Variants in MS4A15 observed in about 807,000 individuals in gnomAD.
MS4A15 encodes membrane spanning 4-domains A15.
Under a neutral mutation model 20.6 loss-of-function variants are expected in MS4A15, and 22 were observed. The ratio of observed to expected loss-of-function variants is 1.07; its 90% confidence interval spans 0.76 to 1.52. The LOEUF is 1.52. Ranked by LOEUF, MS4A15 falls within the 40% of genes most tolerant of loss-of-function variation. The pLI, the probability that MS4A15 is intolerant of heterozygous loss-of-function variation, is 0.00. For missense variants in MS4A15, 312 were observed against 323.0 expected (o/e 0.97, Z 0.26); for synonymous variants, 129 against 129.3 (o/e 1.00, Z 0.02).
intron 2 of MS4A15, 121 bp from the exon 3 acceptor site, chr11:60,767,412 G>A: frequency 8.1e-7 from 1 of 1,231,994 alleles, no homozygotes; most frequent in Non-Finnish European, 1.1e-6. Context: ...AACAGAATCT[G>A]AGTTTCTTTC....
chr11:60,773,635 C>A, intron 5 of MS4A15, 151 bp downstream of exon 5: 1 of 814,104 alleles, frequency 1.2e-6, no homozygotes, highest in Non-Finnish European at 2.0e-6. Context: ...TCCTCTGAGC[C>A]TTCCCCAAGA....
intron 2 of MS4A15, 110 bp from the exon 3 acceptor site, chr11:60,767,423 C>A: frequency 7.7e-7 from 1 of 1,298,474 alleles, no homozygotes; most frequent in Admixed American, 3.4e-5. Flanking sequence ...AGTTTCTTTC[C>A]CAGTGGCCAA....
At position 60,771,351 on chromosome 11, in the gene MS4A15, A is replaced by G; in HGVS notation, c.405+4A>G. 6.2e-7 allele frequency: 1 copy of G among 1,614,028 alleles called. No individual in the cohort carries two copies. The highest frequency in any genetic ancestry group is 8.5e-7 in the Non-Finnish European group (1 of 1,180,026). On this transcript the variant is annotated splice_donor_region_variant and intron_variant, in intron 4 of 6. Coordinates refer to ENST00000405633, the MANE Select transcript of MS4A15 (RefSeq NM_001098835.2). ...GAAGAACCACACCAGTTGCCTGGTG[A>G]GTGTGAACAGGGGGACCCAGGGGCG... is the stretch of plus-strand genomic sequence containing the variant.
chr11:60,758,341 A>G (rs1329691885), intron 1 of MS4A15, among the ~76,000 whole-genome samples: 3 of 152,332 alleles, frequency 2.0e-5, no homozygotes, highest in South Asian at 4.1e-4. Context: ...CATTAAATTT[A>G]TCAACCGACT....
Position 60,776,665 on chromosome 11 carries a change from C to CTTGT in MS4A15, c.*950_*951insTTGT. 6.6e-6 allele frequency: 1 copy of CTTGT among 152,212 alleles called. No individual in the cohort carries two copies. Among genetic ancestry groups the CTTGT allele is most frequent in the East Asian group, 1.9e-4 (1 of 5,190 alleles). The allele number at this position is 152,212 out of a possible 1,614,324, so 9.4% of individuals were successfully genotyped here. A position where few individuals can be genotyped will look rare whatever the true frequency, so the allele number is the denominator to read the frequency against. On this transcript the variant is annotated 3_prime_UTR_variant, in exon 7 of 7. Coordinates refer to ENST00000405633, the MANE Select transcript of MS4A15 (RefSeq NM_001098835.2). ...CACTGTCAGCCTGGTGTTCACCAGGCCTGGTAGATGAGATGGCTTGTCTCA... is the reference window on the plus strand; with the variant it reads ...CACTGTCAGCCTGGTGTTCACCAGGCTTGTCTGGTAGATGAGATGGCTTGTCTCA...
In MS4A15 at chr11:60,771,365, G is replaced by A. The variant is rs994581678; in HGVS notation, c.405+18G>A. ...GTTGCCTGGTGAGTGTGAACAGGGG[G>A]ACCCAGGGGCGGGGATGAAGCCACA... On this transcript the variant is annotated intron_variant, in intron 4 of 6. Transcript: ENST00000405633. 6.2e-7 allele frequency: 1 copy of A among 1,613,884 alleles called. No homozygotes were observed. The highest frequency in any genetic ancestry group is 1.3e-5 in the African/African-American group (1 of 74,904).
chr11:60,759,333 C>G (rs1206864798), intron 1 of MS4A15, among the ~76,000 whole-genome samples: 1 of 152,220 alleles, frequency 6.6e-6, no homozygotes, highest in Non-Finnish European at 1.5e-5. Context: ...TATATGTTTG[C>G]AGACAGTATG....
chr11:60,758,256 CAT>C (rs1178988283), intron 1 of MS4A15, among the ~76,000 whole-genome samples: 1 of 129,772 alleles, frequency 7.7e-6, no homozygotes, highest in Admixed American at 7.2e-5. Flanking sequence ...GCAATACAAA[CAT>C]AAAAAAAAAA....
At chr11:60,757,727 G>A (rs2087714202) in intron 1 of MS4A15, among the ~76,000 whole-genome samples, 1 of 152,176 alleles carries the variant, frequency 6.6e-6, no homozygotes. Context: ...CCCAAGAGAT[G>A]GTTCTTGGAT....
At chr11:60,762,523 A>G (rs924242195) in intron 1 of MS4A15, among the ~76,000 whole-genome samples, 3 of 152,234 alleles carry the variant, frequency 2.0e-5, no homozygotes, top group Non-Finnish European at 4.4e-5. Flanking sequence ...CAACAATTAT[A>G]AAAAGGCTTT....
chr11:60,763,665 C>T (rs11230468), intron 1 of MS4A15, 41 bp from the exon 2 acceptor site: 2 of 1,543,320 alleles, frequency 1.3e-6, no homozygotes, highest in East Asian at 4.5e-5. Context: ...AAGCTTTATG[C>T]ACATGGGTGA....
intron 1 of MS4A15, among the ~76,000 whole-genome samples, chr11:60,759,316 T>G (rs1853671274): frequency 6.6e-6 from 1 of 152,258 alleles, no homozygotes; most frequent in African/African-American, 2.4e-5. Context: ...GGATGTGCCT[T>G]GTTAACTATA....
intron 1 of MS4A15, among the ~76,000 whole-genome samples, chr11:60,763,030 CAG>C (rs1353242637): frequency 6.6e-6 from 1 of 152,168 alleles, no homozygotes; most frequent in Non-Finnish European, 1.5e-5. Flanking sequence ...ACTTGGCGGA[CAG>C]ATGCTGGGGT....
intron 3 of MS4A15, 110 bp from the exon 4 acceptor site, chr11:60,771,181 G>C (rs1034493171): frequency 8.1e-7 from 1 of 1,240,488 alleles, no homozygotes; most frequent in East Asian, 2.5e-5. Context: ...AGAGAAAGTG[G>C]CATCAGGAGG....
Position 60,771,218 on chromosome 11 carries a change from A to G in MS4A15, c.349-73A>G, listed in dbSNP as rs76355261. On this transcript the variant is annotated intron_variant, in intron 3 of 6. Coordinates refer to ENST00000405633, the MANE Select transcript of MS4A15 (RefSeq NM_001098835.2). Reference sequence around the variant, plus strand: ...TGTTGTCTCTCCCTGGCACCTCTTGACAGATCCCAAGCAGGGTCTGCCCTG... The same window carrying G: ...TGTTGTCTCTCCCTGGCACCTCTTGGCAGATCCCAAGCAGGGTCTGCCCTG... 7.1e-3 allele frequency: 11,161 copies of G among 1,569,974 alleles called. 70 individuals are homozygous for G. The highest frequency in any genetic ancestry group is 0.032 in the Middle Eastern group (140 of 4,434).
chr11:60,768,943 C>T (rs1303533339), intron 3 of MS4A15, among the ~76,000 whole-genome samples: 1 of 152,168 alleles, frequency 6.6e-6, no homozygotes, highest in Admixed American at 6.5e-5. Context: ...AAATGGCTGA[C>T]ACATCACAAC....
chr11:60,775,704 GGAGTCGTCT>G lies in MS4A15; in HGVS notation c.717_*2del. On this transcript the variant is annotated stop_lost and inframe_deletion, in exon 7 of 7. Coordinates refer to ENST00000405633, the MANE Select transcript of MS4A15 (RefSeq NM_001098835.2). ...CTATGACAATGTGGCATATGCCCAA[GGAGTCGTCT>G]GAGTAGCAGATGTGGCACCTGCGGG... The G allele has an allele frequency of 6.2e-7, 1 of 1,613,386 alleles. No individual in the cohort carries two copies. Among genetic ancestry groups the G allele is most frequent in the Non-Finnish European group, 8.5e-7 (1 of 1,179,624 alleles).
intron 3 of MS4A15, among the ~76,000 whole-genome samples, chr11:60,769,398 G>T (rs1853971452): frequency 6.6e-6 from 1 of 152,192 alleles, no homozygotes; most frequent in Non-Finnish European, 1.5e-5. Context: ...AGAATTCCAG[G>T]ATGGTGGATG....
At chr11:60,771,631 G>A (rs1374975851) in intron 4 of MS4A15, 2 of 1,461,454 alleles carry the variant, frequency 1.4e-6, no homozygotes, top group East Asian at 2.9e-5. Flanking sequence ...TCTCCTGTAA[G>A]AGTCCTGCTG....
Sources: allele counts gnomAD v4.1 joint callset (sites outside exome capture counted in the v4.1 genomes callset), GRCh38; gene constraint gnomAD v4.1.1; transcripts MANE v1.5; gene names NCBI Gene and HGNC (gene_info 2026-07-23, HGNC 2026-07-21).